Variants in ZSCAN5A observed in about 807,000 individuals in gnomAD.
ZSCAN5A encodes zinc finger and SCAN domain containing 5A.
Under a neutral mutation model 23.7 loss-of-function variants are expected in ZSCAN5A, and 12 were observed. The ratio of observed to expected loss-of-function variants is 0.51; its 90% CI spans 0.32 to 0.82. The LOEUF is 0.82. Ranked by LOEUF, ZSCAN5A falls within the 40% of genes least tolerant of loss-of-function variation. ZSCAN5A has a pLI of 0.03. For missense variants in ZSCAN5A, 597 were observed against 617.9 expected (o/e 0.97, Z 0.36); for synonymous variants, 257 against 239.9 (o/e 1.07, Z -0.66).
At chr19:56,255,346 A>C (rs1026095030) in intron 2 of ZSCAN5A, among the ~76,000 whole-genome samples, 3 of 152,090 alleles carry the variant, frequency 2.0e-5, no homozygotes, top group Non-Finnish European at 4.4e-5. Flanking sequence ...GGGAGTGGGG[A>C]GGGAAGCTAT....
intron 2 of ZSCAN5A, among the ~76,000 whole-genome samples, chr19:56,239,140 T>A (rs956679492): frequency 3.3e-5 from 5 of 152,162 alleles, no homozygotes; most frequent in African/African-American, 1.2e-4. Context: ...CCTGGTTCTA[T>A]TCACAGGGAG....
intron 2 of ZSCAN5A, among the ~76,000 whole-genome samples, chr19:56,346,544 AAAG>A (rs901777973): frequency 1.2e-4 from 19 of 152,082 alleles, no homozygotes; most frequent in Non-Finnish European, 2.2e-4. Flanking sequence ...AAAAAGAAAA[AAAG>A]AACCCACAAA....
intron 2 of ZSCAN5A, among the ~76,000 whole-genome samples, chr19:56,325,984 G>A (rs2041429014): frequency 6.6e-6 from 1 of 151,730 alleles, no homozygotes; most frequent in Non-Finnish European, 1.5e-5. Context: ...CCAGGCTGGA[G>A]TGCAGTGGTG....
chr19:56,349,329 A>C (rs759089675), intron 2 of ZSCAN5A, among the ~76,000 whole-genome samples: 4 of 152,130 alleles, frequency 2.6e-5, no homozygotes, highest in Non-Finnish European at 5.9e-5. Context: ...CATCACGATC[A>C]AGCCAAAGCC....
In ZSCAN5A at chr19:56,222,092, G is replaced by T; in HGVS notation, c.974C>A (p.Pro325Gln). The T allele has an allele frequency of 6.2e-7, 1 of 1,613,914 alleles. No individual in the cohort carries two copies. The highest frequency in any genetic ancestry group is 8.5e-7 in the Non-Finnish European group (1 of 1,179,856). Reference sequence around the variant, plus strand: ...AATTGAATTCATCCCAGCTTGTCCCGGGGATTCTCTGTTGCCCACAGGTGT... The same window carrying T: ...AATTGAATTCATCCCAGCTTGTCCCTGGGATTCTCTGTTGCCCACAGGTGT... The part of the protein sequence containing the change: ...EATPVGNRES[P>Q]GQAGMNSIHS... Residue 325 changes from proline (P) to glutamine (Q), a missense_variant, in exon 6 of 6, where the codon CCG becomes CAG. Coordinates refer to ENST00000683990, the MANE Select transcript of ZSCAN5A (RefSeq NM_001322064.3).
intron 2 of ZSCAN5A, among the ~76,000 whole-genome samples, chr19:56,284,534 T>TTTTTTA (rs2038962148): frequency 1.4e-5 from 2 of 145,570 alleles, no homozygotes; most frequent in Non-Finnish European, 3.0e-5. Context: ...TTTTTTTTTT[T>TTTTTTA]GAGACAGTCT....
rs549514019 is a variant in ZSCAN5A at position 56,333,261 on chromosome 19, C to T, written c.-357-16993G>A. 1.5e-3 allele frequency among the ~76,000 whole-genome samples: 222 copies of T among 152,022 alleles called. 1 individual carries two copies. The Middle Eastern group carries it at 0.017, about 12-fold the overall frequency. ...ATTCTCTCAAATATGTTTTCCAGGTCATTTACCTTTTCTCCTTCTCTCAGA... is the reference window on the plus strand; with the variant it reads ...ATTCTCTCAAATATGTTTTCCAGGTTATTTACCTTTTCTCCTTCTCTCAGA... On this transcript the variant is annotated intron_variant, in intron 2 of 6. Transcript: ENST00000587340.
intron 2 of ZSCAN5A, among the ~76,000 whole-genome samples, chr19:56,237,986 T>TGG (rs375548452): frequency 1.2e-4 from 2 of 16,652 alleles, no homozygotes; most frequent in Admixed American, 1.0e-3. Context: ...CACACACACA[T>TGG]ACACACATAC....
chr19:56,319,153 T>A (rs2041347868), upstream of ZSCAN5A, among the ~76,000 whole-genome samples: 1 of 152,102 alleles, frequency 6.6e-6, no homozygotes, highest in African/African-American at 2.4e-5. Context: ...CATTCCCCCC[T>A]ATTTCTTGTC....
At chr19:56,318,880 A>T (rs1239858634), upstream of ZSCAN5A, among the ~76,000 whole-genome samples, 3 of 152,178 alleles carry the variant, frequency 2.0e-5, no homozygotes, top group African/African-American at 7.2e-5. Flanking sequence ...GATATGAGGC[A>T]GACCACCGTG....
chr19:56,257,474 T>C (rs934582386), intron 2 of ZSCAN5A, among the ~76,000 whole-genome samples: 34 of 152,174 alleles, frequency 2.2e-4, no homozygotes, highest in African/African-American at 7.7e-4. Context: ...ATGCCCACCA[T>C]TGTTACCTGG....
intron 2 of ZSCAN5A, among the ~76,000 whole-genome samples, chr19:56,323,226 C>T (rs114767117): frequency 0.017 from 2,597 of 152,036 alleles, 74 homozygotes; most frequent in African/African-American, 0.06. Flanking sequence ...TGGAGACCGG[C>T]TTCTTGCTCT....
intron 2 of ZSCAN5A, chr19:56,246,488 C>T (rs780127736): frequency 3.3e-5 from 21 of 636,910 alleles, no homozygotes; most frequent in Non-Finnish European, 5.7e-5. Context: ...GACTTGGATC[C>T]ACAGGGGTTA....
Position 56,288,908 on chromosome 19 carries a change from T to C in ZSCAN5A, c.-128+24375A>G, listed in dbSNP as rs545121592. ...AAGAAGAAAGTAAGTACTGTGACAG[T>C]TTTTGTCTCTGAAATTAGATTCTCA... is the stretch of plus-strand genomic sequence containing the variant. On this transcript the variant is annotated intron_variant, in intron 2 of 5. Coordinates refer to ENST00000683990, the MANE Select transcript of ZSCAN5A (RefSeq NM_001322064.3). 1.1e-3 allele frequency among the ~76,000 whole-genome samples: 168 copies of C among 152,248 alleles called. 1 individual carries two copies. Among genetic ancestry groups the C allele is most frequent in the Non-Finnish European group, 1.3e-4 (9 of 68,020 alleles).
Position 56,313,278 on chromosome 19 carries a change from CT to C in ZSCAN5A, c.-128+4del. On this transcript the variant is annotated splice_donor_region_variant and intron_variant, in intron 2 of 5. Coordinates refer to ENST00000683990, the MANE Select transcript of ZSCAN5A (RefSeq NM_001322064.3). ...ATTTACAAAAGAAAGGTTTAATGGACTTACAGTTTCACGTGGCTGGGGAGGC... is the reference window on the plus strand; with the variant it reads ...ATTTACAAAAGAAAGGTTTAATGGACTACAGTTTCACGTGGCTGGGGAGGC... 1 of 346,754 alleles carries C rather than the reference CT, an allele frequency of 2.9e-6. No homozygotes were observed. Among genetic ancestry groups the C allele is most frequent in the Non-Finnish European group, 5.7e-6 (1 of 175,912 alleles). 21.5% of individuals were successfully genotyped at this position (346,754 alleles called of 1,614,324 possible). A position where few individuals can be genotyped will look rare whatever the true frequency, so the allele number is the denominator to read the frequency against.
intron 2 of ZSCAN5A, among the ~76,000 whole-genome samples, chr19:56,278,816 C>T (rs1171562951): frequency 6.6e-6 from 1 of 152,116 alleles, no homozygotes; most frequent in African/African-American, 2.4e-5. Flanking sequence ...AGCTGGAGTA[C>T]CTGGAGTTCT....
chr19:56,272,517 G>C (rs1186807674), intron 2 of ZSCAN5A, among the ~76,000 whole-genome samples: 1 of 152,162 alleles, frequency 6.6e-6, no homozygotes, highest in Non-Finnish European at 1.5e-5. Flanking sequence ...ATTAAAAAAG[G>C]TAACAATTAC....
chr19:56,293,642 T>C (rs985701467), intron 2 of ZSCAN5A, among the ~76,000 whole-genome samples: 2 of 152,104 alleles, frequency 1.3e-5, no homozygotes, highest in African/African-American at 4.8e-5. Context: ...TCCAGCCTCA[T>C]ATGGTTGTGA....
chr19:56,321,860 G>T (rs2041379246), intron 2 of ZSCAN5A: 1 of 837,804 alleles, frequency 1.2e-6, no homozygotes, highest in Non-Finnish European at 2.1e-6. Context: ...TAAATGGGGA[G>T]AAATTTCTGG....
Sources: gnomAD v4.1 joint callset for allele counts (sites outside exome capture counted in the v4.1 genomes callset) on GRCh38, gnomAD v4.1.1 for gene constraint, MANE v1.5 for transcripts, NCBI Gene and HGNC (gene_info 2026-07-23, HGNC 2026-07-21) for gene names.